Variants in OR10D3 observed in about 807,000 individuals in gnomAD.
OR10D3 encodes the protein olfactory receptor family 10 subfamily D member 3.
For missense variants in OR10D3, 286 were observed against 153.7 expected (o/e 1.86, Z -4.55); for synonymous variants, 100 against 57.6 (o/e 1.74, Z -3.33).
intron 1 of OR10D3, among the ~76,000 whole-genome samples, chr11:124,184,524 T>TG (rs1861197213): frequency 1.3e-5 from 2 of 152,092 alleles, no homozygotes; most frequent in Non-Finnish European, 1.5e-5. Context: ...CGGGGTAAGA[T>TG]TTGACAAGGC....
chr11:124,188,274 C>T (rs11219486), exon 2 of OR10D3: 5,587 of 152,336 alleles, frequency 0.037, 140 homozygotes, highest in South Asian at 0.13. Flanking sequence ...AGTGCCACAT[C>T]TTCATGTCTT....
exon 2 of OR10D3, chr11:124,186,968 G>T (rs965568045): frequency 6.6e-6 from 1 of 152,162 alleles, no homozygotes; most frequent in South Asian, 2.1e-4. Flanking sequence ...GATTCAAGGA[G>T]CCCCGAGACT....
exon 2 of OR10D3, chr11:124,186,491 C>A: frequency 4.7e-6 from 1 of 213,114 alleles, no homozygotes; most frequent in East Asian, 9.5e-5. Flanking sequence ...AGATCTTTTC[C>A]ATCCTGCCAT....
At chr11:124,186,766 C>T (rs1007803648) in exon 2 of OR10D3, 4 of 152,394 alleles carry the variant, frequency 2.6e-5, no homozygotes, top group African/African-American at 9.7e-5. Context: ...CCTGATTGCT[C>T]TGTCTAAACA....
At chr11:124,187,791 C>G (rs768486559) in exon 2 of OR10D3, 10 of 152,134 alleles carry the variant, frequency 6.6e-5, no homozygotes, top group Non-Finnish European at 1.5e-4. Context: ...TGAAGATTAT[C>G]TTTTATAGAG....
At chr11:124,184,409 G>A (rs528652565) in intron 1 of OR10D3, 6 of 152,302 alleles carry the variant, frequency 3.9e-5, no homozygotes, top group African/African-American at 1.4e-4. Context: ...GTGTGTGTGT[G>A]GGGAGGTAGC....
chr11:124,185,981 T>G lies in OR10D3; in HGVS notation c.712T>G (p.Phe238Val), dbSNP rs779481874. The G allele has an allele frequency of 4.0e-5, 28 of 703,412 alleles. No individual in the cohort carries two copies. In the South Asian group the frequency reaches 4.0e-4, roughly 10 times the overall value. The allele number at this position is 703,412 out of a possible 1,614,324, so 43.6% of individuals were successfully genotyped here. A position where few individuals can be genotyped will look rare whatever the true frequency, so the allele number is the denominator to read the frequency against. ...TACAACTGAGGGCCGTCGCCGTGCCTTCTCCACCTGCAGTGCTCACCTCAT... is the reference window on the plus strand; with the variant it reads ...TACAACTGAGGGCCGTCGCCGTGCCGTCTCCACCTGCAGTGCTCACCTCAT... Residue 238 changes from phenylalanine (F) to valine (V), a missense_variant, in exon 2 of 2, where the codon TTC becomes GTC. Transcript: ENST00000641351.
At chr11:124,185,702 G>A (rs1240456566) in exon 2 of OR10D3, 4 of 703,500 alleles carry the variant, frequency 5.7e-6, no homozygotes, top group Non-Finnish European at 1.0e-5. Context: ...TGTGGCCCTG[G>A]CTGTGGGCAC....
At chr11:124,185,595 G>A (rs1381424500) in exon 2 of OR10D3, 3 of 703,542 alleles carry the variant, frequency 4.3e-6, no homozygotes, top group Admixed American at 4.0e-5. Context: ...TTCCTCGGGA[G>A]CATTGAGTGC....
At chr11:124,185,851 A>T (rs527648306) in exon 2 of OR10D3, 1 of 703,546 alleles carries the variant, frequency 1.4e-6, no homozygotes, top group East Asian at 2.7e-5. Context: ...ACACATCCTT[A>T]GCCCAGAGGG....
At chr11:124,185,285 T>G (rs1369624431) in exon 2 of OR10D3, 2 of 702,962 alleles carry the variant, frequency 2.8e-6, no homozygotes, top group African/African-American at 3.5e-5. Context: ...GGTGAAGAAC[T>G]GCTGCATGGT....
rs1342821708 is a variant in OR10D3 at position 124,185,381 on chromosome 11, ACT to A, written c.115_116del (p.Leu39ThrfsTer31). On this transcript the variant is annotated frameshift_variant, in exon 2 of 2. Coordinates refer to ENST00000641351, the Ensembl canonical transcript of OR10D3. LOFTEE classifies it low-confidence loss of function (END_TRUNC). ...CTTATTCTTGCCCTTCTATGCCTGCACTCTACTGGGAAATGTGTCTATCCTTG... is the reference window on the plus strand; with the variant it reads ...CTTATTCTTGCCCTTCTATGCCTGCACTACTGGGAAATGTGTCTATCCTTG... The A allele has an allele frequency of 2.1e-5, 15 of 702,692 alleles. No homozygotes were observed. Among genetic ancestry groups the A allele is most frequent in the Non-Finnish European group, 3.6e-5 (14 of 384,962 alleles). The allele number at this position is 702,692 out of a possible 1,614,324, so 43.5% of individuals were successfully genotyped here.
At chr11:124,185,038 G>A (rs566566895) in intron 1 of OR10D3, among the ~76,000 whole-genome samples, 4 of 152,146 alleles carry the variant, frequency 2.6e-5, no homozygotes, top group Admixed American at 2.0e-4. Context: ...TTTGTATTTC[G>A]AATAAGTATA....
chr11:124,185,581 C>A (rs760509272), exon 2 of OR10D3: 7 of 703,498 alleles, frequency 1.0e-5, no homozygotes. Flanking sequence ...TTTTCTTCTT[C>A]CATTTCCTCG....
chr11:124,186,500 A>ATT (rs57201296), exon 2 of OR10D3: 42,233 of 149,900 alleles, frequency 0.28, 6,201 homozygotes, highest in South Asian at 0.4. Flanking sequence ...CCATCCTGCC[A>ATT]TTTTTTTTTT....
chr11:124,187,987 T>C (rs1344650532), exon 2 of OR10D3: 2 of 152,114 alleles, frequency 1.3e-5, no homozygotes, highest in Non-Finnish European at 2.9e-5. Context: ...TCTTTCCAAC[T>C]AAGAAGAGAT....
At chr11:124,185,954 C>T (rs529117517) in exon 2 of OR10D3, 6 of 703,144 alleles carry the variant, frequency 8.5e-6, no homozygotes, top group African/African-American at 3.5e-5. Context: ...CTTAAGCATT[C>T]GTACAACTGA....
exon 2 of OR10D3, chr11:124,186,034 C>T: frequency 1.4e-6 from 1 of 703,486 alleles, no homozygotes; most frequent in South Asian, 1.5e-5. Flanking sequence ...ATGGGCCCAT[C>T]ATCACTGTCT....
exon 2 of OR10D3, chr11:124,187,704 A>G (rs1861241047): frequency 6.6e-6 from 1 of 152,184 alleles, no homozygotes. Flanking sequence ...GTATCCTTGG[A>G]ACTGTCAAGT....
Sources: gnomAD v4.1 joint callset for allele counts (sites outside exome capture counted in the v4.1 genomes callset) on GRCh38, gnomAD v4.1.1 for gene constraint, MANE v1.5 for transcripts, NCBI Gene and HGNC (gene_info 2026-07-23, HGNC 2026-07-21) for gene names.